Variants in TUBGCP3 observed in about 807,000 individuals in gnomAD.
TUBGCP3 encodes the protein gamma-tubulin complex component 3.
A neutral mutation model predicts 123.1 loss-of-function variants in TUBGCP3; 50 were observed. That is an observed-to-expected ratio of 0.41 (90% confidence interval 0.32 to 0.51). TUBGCP3 has a LOEUF of 0.51. TUBGCP3 is among the 20% of genes least tolerant of loss of function. The probability of loss-of-function intolerance (pLI) is 0.36; values close to 1 mark genes in which losing one functional copy is unlikely to be tolerated. For synonymous variants in TUBGCP3, 405 were observed against 413.9 expected, an observed-to-expected ratio of 0.98 and a Z score of 0.26; for missense variants, 882 against 1,127.0, an observed-to-expected ratio of 0.78 and a Z score of 3.11.
intron 3 of TUBGCP3, among the ~76,000 whole-genome samples, chr13:112,562,465 A>C (rs762402752): frequency 6.6e-6 from 1 of 152,206 alleles, no homozygotes. Flanking sequence ...CGCCACTGAC[A>C]AACAGCTGCC....
chr13:112,553,605 C>T (rs1879776569), intron 8 of TUBGCP3, among the ~76,000 whole-genome samples: 1 of 152,240 alleles, frequency 6.6e-6, no homozygotes, highest in African/African-American at 2.4e-5. Flanking sequence ...CAGCCATAGC[C>T]AGGATTCCCA....
chr13:112,535,386 C>T (rs1267003203), intron 11 of TUBGCP3, among the ~76,000 whole-genome samples: 3 of 152,280 alleles, frequency 2.0e-5, no homozygotes, highest in African/African-American at 7.2e-5. Flanking sequence ...AGAGGGGCTG[C>T]ACCATTCTGT....
chr13:112,561,621 G>A (rs187081702), intron 3 of TUBGCP3, among the ~76,000 whole-genome samples: 96 of 152,262 alleles, frequency 6.3e-4, no homozygotes, highest in African/African-American at 2.1e-3. Flanking sequence ...GGCAGCGTGC[G>A]GGTGGATGCA....
chr13:112,487,053 A>ATGTGTGTGTGTGTG lies in TUBGCP3; in HGVS notation c.2566-916_2566-903dup, dbSNP rs10522089. ...ACCTCTGAGCAGGCAAACACTGTGT[A>ATGTGTGTGTGTGTG]TGTGTGTGTGTGTGTGTGTGTGTGT... On this transcript the variant is annotated intron_variant, in intron 21 of 21. Transcript: ENST00000261965. 2.3e-3 allele frequency among the ~76,000 whole-genome samples: 344 copies of ATGTGTGTGTGTGTG among 147,490 alleles called. 1 individual carries two copies. Among genetic ancestry groups the ATGTGTGTGTGTGTG allele is most frequent in the African/African-American group, 8.4e-3 (337 of 40,046 alleles).
intron 14 of TUBGCP3, 122 bp from the exon 15 acceptor site, chr13:112,520,143 A>T (rs1876492829): frequency 1.2e-6 from 1 of 856,426 alleles, no homozygotes; most frequent in Non-Finnish European, 1.7e-6. Flanking sequence ...AAATGGGACC[A>T]ATACAATAAT....
chr13:112,535,210 G>A (rs537621468), intron 11 of TUBGCP3, among the ~76,000 whole-genome samples: 1 of 152,298 alleles, frequency 6.6e-6, no homozygotes, highest in South Asian at 2.1e-4. Context: ...CACTGGACCT[G>A]TTTTCACTTT....
At chr13:112,491,812 C>T (rs1377734221) in intron 20 of TUBGCP3, among the ~76,000 whole-genome samples, 7 of 152,166 alleles carry the variant, frequency 4.6e-5, no homozygotes, top group South Asian at 4.1e-4. Context: ...TAGGTCTGCC[C>T]GGATAATGAC....
Position 112,499,199 on chromosome 13 carries a change from CAAT to C in TUBGCP3, c.2308-17_2308-15del. ...ATTTAAAAGTGCCTGAAAGAGATGA[CAAT>C]GTTTTATGAATAGAGCCTCAACCAG... On this transcript the variant is annotated splice_polypyrimidine_tract_variant and intron_variant, in intron 19 of 21. Coordinates refer to ENST00000261965, the MANE Select transcript of TUBGCP3 (RefSeq NM_006322.6). The C allele has an allele frequency of 6.3e-7, 1 of 1,593,932 alleles. No homozygotes were observed. The highest frequency in any genetic ancestry group is 8.5e-7 in the Non-Finnish European group (1 of 1,172,046).
intron 19 of TUBGCP3, among the ~76,000 whole-genome samples, chr13:112,503,073 C>G (rs1195104221): frequency 6.6e-6 from 1 of 152,176 alleles, no homozygotes; most frequent in Non-Finnish European, 1.5e-5. Context: ...GTGTTTTCCA[C>G]TGACAGGCCC....
chr13:112,603,030 G>A, the TUBGCP3 span: 2 of 152,246 alleles, frequency 1.3e-5, no homozygotes, highest in Admixed American at 1.3e-4. Flanking sequence ...AGAGCTTGAG[G>A]CCGAAGACTG....
intron 1 of TUBGCP3, among the ~76,000 whole-genome samples, chr13:112,582,607 CTCAG>C (rs1384703074): frequency 6.6e-6 from 1 of 152,214 alleles, no homozygotes; most frequent in Non-Finnish European, 1.5e-5. Flanking sequence ...CTAAATGCCA[CTCAG>C]TCAGTCACTC....
At chr13:112,573,801 C>T (rs1418822960) in intron 1 of TUBGCP3, among the ~76,000 whole-genome samples, 2 of 152,170 alleles carry the variant, frequency 1.3e-5, no homozygotes, top group Admixed American at 1.3e-4. Context: ...CCTCCAGATC[C>T]CCCCACCCCC....
At chr13:112,492,174 A>G (rs1446160299) in intron 20 of TUBGCP3, among the ~76,000 whole-genome samples, 1 of 152,144 alleles carries the variant, frequency 6.6e-6, no homozygotes, top group Non-Finnish European at 1.5e-5. Context: ...TCCTTTTGCC[A>G]TCTGATTTTA....
intron 1 of TUBGCP3, among the ~76,000 whole-genome samples, chr13:112,579,422 C>T (rs1266177671): frequency 2.3e-5 from 3 of 132,534 alleles, no homozygotes; most frequent in Non-Finnish European, 4.8e-5. Flanking sequence ...TGAGTGCCAG[C>T]GGGGCCACGG....
chr13:112,522,540 G>A lies in TUBGCP3; in HGVS notation c.1556-31C>T, dbSNP rs748366448. On this transcript the variant is annotated intron_variant, in intron 13 of 21. Transcript: ENST00000261965. ...AAGAACAACAGGGAAGAGCACACAT[G>A]CATATGTAATTTGTATTTCCACAGA... 9 of 1,582,156 alleles carry A rather than the reference G, an allele frequency of 5.7e-6. 1 individual carries two copies. In the Middle Eastern group the frequency reaches 6.8e-4, roughly 119 times the overall value.
At chr13:112,521,480 C>T (rs529459200) in intron 14 of TUBGCP3, among the ~76,000 whole-genome samples, 2 of 152,310 alleles carry the variant, frequency 1.3e-5, no homozygotes, top group African/African-American at 2.4e-5. Context: ...AAATGCAAAT[C>T]CTCTACCCCA....
At chr13:112,520,386 C>T (rs945835830) in intron 14 of TUBGCP3, among the ~76,000 whole-genome samples, 4 of 151,926 alleles carry the variant, frequency 2.6e-5, no homozygotes, top group Non-Finnish European at 4.4e-5. Context: ...AAAATTAGCC[C>T]AGCATGGTGG....
chr13:112,522,224 C>A, intron 14 of TUBGCP3, 96 bp downstream of exon 14: 1 of 1,090,060 alleles, frequency 9.2e-7, no homozygotes. Flanking sequence ...AAGAATTCAA[C>A]TCATTTTCTT....
chr13:112,582,888 A>G (rs1216862170), intron 1 of TUBGCP3, among the ~76,000 whole-genome samples: 1 of 152,198 alleles, frequency 6.6e-6, no homozygotes, highest in Non-Finnish European at 1.5e-5. Context: ...AGTGCTGCTG[A>G]GTTGTACACT....
Sources: allele counts gnomAD v4.1 joint callset (sites outside exome capture counted in the v4.1 genomes callset), GRCh38; gene constraint gnomAD v4.1.1; transcripts MANE v1.5; gene names NCBI Gene and HGNC (gene_info 2026-07-23, HGNC 2026-07-21).